Variants in BTAF1 observed in about 807,000 individuals in gnomAD.
BTAF1 encodes B-TFIID TATA-box binding protein associated factor 1, also known as TATA-binding protein-associated factor 172.
BTAF1 carries 38 observed loss-of-function variants against 227.1 expected under a neutral mutation model. The ratio of observed to expected loss-of-function variants is 0.17; its 90% CI spans 0.13 to 0.22. The LOEUF (loss-of-function observed/expected upper bound fraction) is 0.22. BTAF1 is among the 10% of genes least tolerant of loss of function. The probability of loss-of-function intolerance (pLI) is 1.00; values close to 1 mark genes in which losing one functional copy is unlikely to be tolerated. For synonymous variants in BTAF1, 742 were observed against 751.9 expected (o/e 0.99, Z 0.21); for missense variants, 1,598 against 2,204.0 (o/e 0.73, Z 5.51).
At chr10:91,980,710 A>C (rs1848001046) in intron 15 of BTAF1, 152 bp downstream of exon 15, 1 of 632,816 alleles carries the variant, frequency 1.6e-6, no homozygotes, top group African/African-American at 1.8e-5. Context: ...TAGGCTTCTT[A>C]CATGTAGCAT....
intron 7 of BTAF1, among the ~76,000 whole-genome samples, chr10:91,956,859 A>G (rs2133880058): frequency 1.3e-5 from 2 of 152,198 alleles, no homozygotes; most frequent in Middle Eastern, 6.8e-3. Flanking sequence ...ACGTGGTGGC[A>G]CGTGCCTGTA....
At chr10:91,987,222 G>A (rs937191301) in intron 19 of BTAF1, among the ~76,000 whole-genome samples, 10 of 150,314 alleles carry the variant, frequency 6.7e-5, no homozygotes, top group African/African-American at 2.2e-4. Flanking sequence ...AGTGGCTCAC[G>A]CCTGTAATCC....
At position 92,013,860 on chromosome 10, in the gene BTAF1, T is replaced by A. The variant is rs371719127; in HGVS notation, c.4454-39T>A. ...TGTGTAAGTGAATATAATTTATTCT[T>A]AACTTTTTTGAAGCCATTTTCTCTT... On this transcript the variant is annotated intron_variant, in intron 31 of 37. Transcript: ENST00000265990. 7 of 1,612,708 alleles carry A rather than the reference T, an allele frequency of 4.3e-6. No individual in the cohort carries two copies. The African/African-American group carries it at 6.7e-5, about 15-fold the overall frequency.
intron 14 of BTAF1, among the ~76,000 whole-genome samples, chr10:91,975,895 C>G (rs1847645639): frequency 6.6e-6 from 1 of 152,178 alleles, no homozygotes; most frequent in Non-Finnish European, 1.5e-5. Flanking sequence ...TGGGTTTTTT[C>G]CTTACACCAA....
At chr10:91,984,521 G>A in intron 19 of BTAF1, 117 bp downstream of exon 19, 1 of 831,338 alleles carries the variant, frequency 1.2e-6, no homozygotes, top group Non-Finnish European at 1.8e-6. Context: ...ATGTGGCTTG[G>A]TAGCCTGTCA....
At chr10:91,948,544 T>A (rs1021849821) in intron 4 of BTAF1, among the ~76,000 whole-genome samples, 10 of 151,366 alleles carry the variant, frequency 6.6e-5, no homozygotes, top group African/African-American at 2.4e-4. Flanking sequence ...GCCTGGCTAA[T>A]TTTTTATTTT....
At chr10:91,962,795 C>A in intron 12 of BTAF1, 117 bp downstream of exon 12, 2 of 832,672 alleles carry the variant, frequency 2.4e-6, no homozygotes, top group South Asian at 2.2e-5. Context: ...TTTTTTTTAA[C>A]AACAGCCCTC....
intron 13 of BTAF1, among the ~76,000 whole-genome samples, chr10:91,964,977 T>C (rs1313677757): frequency 1.3e-5 from 2 of 152,194 alleles, no homozygotes; most frequent in African/African-American, 4.8e-5. Flanking sequence ...TAAATGCTTA[T>C]ATGTGGTTTC....
At chr10:91,992,344 T>C (rs1848847696) in intron 21 of BTAF1, 35 bp downstream of exon 21, 1 of 1,502,260 alleles carries the variant, frequency 6.7e-7, no homozygotes, top group Non-Finnish European at 9.0e-7. Flanking sequence ...ATGCTTTGAT[T>C]TTTAAACAAA....
chr10:91,960,082 A>G lies in BTAF1; in HGVS notation c.1191A>G (p.Leu397=), dbSNP rs746995382. Residue 397 remains leucine (L), a synonymous_variant, in exon 11 of 38, where the codon TTA becomes TTG. Coordinates refer to ENST00000265990, the MANE Select transcript of BTAF1 (RefSeq NM_003972.3). ...AGACTGTGGATGTGCTGCTAAAATT[A>G]CTTACACAAGAACAATGGGAAGTTA... ...VHKTVDVLLK[L]LTQEQWEVRH... 1.9e-6 allele frequency: 3 copies of G among 1,613,944 alleles called. No homozygotes were observed. Among genetic ancestry groups the G allele is most frequent in the Non-Finnish European group, 8.5e-7 (1 of 1,179,894 alleles).
intron 4 of BTAF1, among the ~76,000 whole-genome samples, chr10:91,949,077 G>T (rs1389563399): frequency 6.6e-6 from 1 of 152,138 alleles, no homozygotes. Flanking sequence ...TTGGGAGGCC[G>T]AAGTGGGAAG....
At chr10:92,011,218 T>C in intron 29 of BTAF1, 68 bp downstream of exon 29, 24 of 1,517,424 alleles carry the variant, frequency 1.6e-5, no homozygotes, top group Non-Finnish European at 2.0e-5. Flanking sequence ...TTTCCCACTT[T>C]AAAGATTCTT....
At chr10:91,981,517 T>C in intron 15 of BTAF1, 126 bp from the exon 16 acceptor site, 1 of 1,034,178 alleles carries the variant, frequency 9.7e-7, no homozygotes. Flanking sequence ...AGCCTCTATA[T>C]TGAATTTCTA....
intron 1 of BTAF1, among the ~76,000 whole-genome samples, chr10:91,926,027 G>A (rs1843802545): frequency 6.6e-6 from 1 of 152,102 alleles, no homozygotes; most frequent in African/African-American, 2.4e-5. Context: ...TAAGCCCAAG[G>A]AAAACATTTT....
intron 26 of BTAF1, among the ~76,000 whole-genome samples, 200 bp from the exon 27 acceptor site, chr10:92,008,629 G>A (rs1253263699): frequency 6.6e-6 from 1 of 151,790 alleles, no homozygotes; most frequent in Admixed American, 6.6e-5. Flanking sequence ...GATTAGAGAT[G>A]TGAGCCACCA....
At position 92,027,145 on chromosome 10, in the gene BTAF1, G is replaced by A. The variant is rs201045605; in HGVS notation, c.5251G>A (p.Val1751Ile). The change falls in exon 37 of 38, where the codon GTA becomes ATA. Residue 1751 changes from valine to isoleucine, a missense_variant. Val to Ile is a conservative substitution (Grantham distance 29). Coordinates refer to ENST00000265990, the MANE Select transcript of BTAF1 (RefSeq NM_003972.3). ...TCTTATCCAGAAACGTGTGGTTAAC[G>A]TATACCGATTGATAACCAGAGGAAC... ...HRIGQKRVVN[V>I]YRLITRGTLE... 2.8e-5 allele frequency: 45 copies of A among 1,613,232 alleles called. No individual in the cohort carries two copies. In the East Asian group the frequency reaches 3.6e-4, roughly 13 times the overall value.
intron 13 of BTAF1, among the ~76,000 whole-genome samples, chr10:91,965,279 G>T (rs1245603799): frequency 6.6e-6 from 1 of 152,124 alleles, no homozygotes; most frequent in Non-Finnish European, 1.5e-5. Context: ...AGATGAAGGG[G>T]TTTTTCATTA....
At chr10:91,985,203 C>T (rs1316530843) in intron 19 of BTAF1, among the ~76,000 whole-genome samples, 1 of 151,832 alleles carries the variant, frequency 6.6e-6, no homozygotes, top group Non-Finnish European at 1.5e-5. Flanking sequence ...ATTACTTTTG[C>T]CTGTTCTAGA....
In BTAF1 at chr10:92,011,291, T is replaced by C. The variant is rs368098781; in HGVS notation, c.4187T>C (p.Ile1396Thr). 6.0e-6 allele frequency: 9 copies of C among 1,506,560 alleles called. No individual in the cohort carries two copies. In the African/African-American group the frequency reaches 7.2e-5, roughly 12 times the overall value. The allele number at this position is 1,506,560 out of a possible 1,614,324, so 93.3% of individuals were successfully genotyped here. Residue 1396 changes from isoleucine (I) to threonine (T), a missense_variant, in exon 30 of 38, where the codon ATT (isoleucine) becomes ACT (threonine). Coordinates refer to ENST00000265990, the MANE Select transcript of BTAF1 (RefSeq NM_003972.3). ...VRNDIDFFRNIKFNYCILDEG... is the reference protein window; with the variant it reads ...VRNDIDFFRNTKFNYCILDEG... ...TTCTATTTATTCTCCCTTAGAAATATTAAATTTAACTACTGCATTCTTGAT... is the reference window on the plus strand; with the variant it reads ...TTCTATTTATTCTCCCTTAGAAATACTAAATTTAACTACTGCATTCTTGAT...
Sources: allele counts gnomAD v4.1 joint callset (sites outside exome capture counted in the v4.1 genomes callset), GRCh38; gene constraint gnomAD v4.1.1; transcripts MANE v1.5; gene names NCBI Gene and HGNC (gene_info 2026-07-23, HGNC 2026-07-21).